TENM3: variants seen among roughly 807,000 people sequenced by gnomAD.
TENM3 encodes the protein teneurin-3.
TENM3 carries 63 observed loss-of-function variants against 255.1 expected under a neutral mutation model. The ratio of observed to expected loss-of-function variants is 0.25; its 90% confidence interval spans 0.20 to 0.30. The LOEUF (loss-of-function observed/expected upper bound fraction) is 0.30, where lower values mean the gene tolerates loss of function less well. Among genes scored for constraint, TENM3 ranks in the 10% least tolerant of loss-of-function variants. The probability of loss-of-function intolerance (pLI) is 1.00; values close to 1 mark genes in which losing one functional copy is unlikely to be tolerated. For missense variants in TENM3, 2,929 were observed against 3,461.1 expected, an observed-to-expected ratio of 0.85 and a Z score of 3.86; for synonymous variants, 1,306 against 1,322.3, an observed-to-expected ratio of 0.99 and a Z score of 0.27.
intron 22 of TENM3, among the ~76,000 whole-genome samples, chr4:182,772,046 G>A (rs1204423821): frequency 2.0e-5 from 3 of 152,044 alleles, no homozygotes; most frequent in Admixed American, 1.3e-4. Context: ...CACCGGGCAC[G>A]GAACAGACCT....
intron 4 of TENM3, among the ~76,000 whole-genome samples, chr4:182,615,627 T>G (rs1266959988): frequency 6.6e-6 from 1 of 151,446 alleles, no homozygotes; most frequent in African/African-American, 2.4e-5. Flanking sequence ...GGTAGATACT[T>G]AAAAGTAGCA....
chr4:181,796,898 G>A, the TENM3 span, among the ~76,000 whole-genome samples: 72 of 152,136 alleles, frequency 4.7e-4, no homozygotes, highest in Non-Finnish European at 7.6e-4. Context: ...AAATTCTTAC[G>A]TCATGTCAGA....
intron 1 of TENM3, among the ~76,000 whole-genome samples, chr4:182,148,031 A>G (rs1297189538): frequency 6.6e-6 from 1 of 152,224 alleles, no homozygotes; most frequent in East Asian, 1.9e-4. Flanking sequence ...ATAAAATAAA[A>G]TAAAATAAAC....
chr4:181,781,698 G>A, the TENM3 span, among the ~76,000 whole-genome samples: 1 of 152,274 alleles, frequency 6.6e-6, no homozygotes, highest in Admixed American at 6.5e-5. Flanking sequence ...TCTTGTGCCA[G>A]TTTTCAAAGG....
At chr4:182,773,686 C>A in intron 23 of TENM3, 39 bp downstream of exon 23, 2 of 1,573,222 alleles carry the variant, frequency 1.3e-6, no homozygotes, top group Non-Finnish European at 1.7e-6. Flanking sequence ...GTACCACCAG[C>A]ACCCAGACAG....
intron 22 of TENM3, 42 bp from the exon 23 acceptor site, chr4:182,773,430 C>T: frequency 6.6e-7 from 1 of 1,523,876 alleles, no homozygotes; most frequent in Non-Finnish European, 8.9e-7. Flanking sequence ...GAAGAAACTG[C>T]AGTTTCCTAT....
chr4:181,629,802 T>C, the TENM3 span, among the ~76,000 whole-genome samples: 2 of 152,216 alleles, frequency 1.3e-5, no homozygotes, highest in South Asian at 2.1e-4. Context: ...ATTCTCTTTT[T>C]TTTGTTGTAT....
At chr4:182,324,288 A>C in intron 2 of TENM3, 36 bp downstream of exon 2, 14 of 1,467,722 alleles carry the variant, frequency 9.5e-6, no homozygotes, top group Non-Finnish European at 1.3e-5. Context: ...GGCAATGCTC[A>C]CGTTACTAAC....
intron 3 of TENM3, among the ~76,000 whole-genome samples, chr4:182,399,402 AGCTGCTAGCAG>A (rs1769074649): frequency 6.6e-6 from 1 of 152,208 alleles, no homozygotes; most frequent in Admixed American, 6.5e-5. Flanking sequence ...GCTGAGCAGA[AGCTGCTAGCAG>A]TGGCTACCTT....
intron 1 of TENM3, among the ~76,000 whole-genome samples, chr4:182,280,454 A>G (rs549023734): frequency 6.6e-6 from 1 of 152,328 alleles, no homozygotes; most frequent in South Asian, 2.1e-4. Context: ...AGGAACATTG[A>G]CAGTTTATCT....
chr4:182,026,158 C>T, the TENM3 span, among the ~76,000 whole-genome samples: 1 of 152,246 alleles, frequency 6.6e-6, no homozygotes, highest in Non-Finnish European at 1.5e-5. Context: ...TGAGCTCATC[C>T]TTTTTTATGG....
chr4:181,962,897 A>C, the TENM3 span, among the ~76,000 whole-genome samples: 2 of 152,256 alleles, frequency 1.3e-5, no homozygotes, highest in Admixed American at 6.5e-5. Context: ...TCAAAAAACA[A>C]ATCTACATCT....
At chr4:181,452,188 T>A in the TENM3 span, among the ~76,000 whole-genome samples, 1 of 152,168 alleles carries the variant, frequency 6.6e-6, no homozygotes, top group Non-Finnish European at 1.5e-5. Context: ...TTGAAGATGG[T>A]TGTTCTATGG....
the TENM3 span, among the ~76,000 whole-genome samples, chr4:181,879,676 T>C: frequency 2.8e-4 from 43 of 152,296 alleles, 2 homozygotes; most frequent in Admixed American, 1.4e-3. Flanking sequence ...CTTCAAAATA[T>C]CTTGTATCCC....
intron 1 of TENM3, among the ~76,000 whole-genome samples, chr4:182,214,023 C>G (rs1010917432): frequency 6.6e-6 from 1 of 152,102 alleles, no homozygotes; most frequent in Non-Finnish European, 1.5e-5. Context: ...AGGATGGTCT[C>G]GATCTCTTGA....
the TENM3 span, among the ~76,000 whole-genome samples, chr4:181,456,084 T>A: frequency 6.6e-6 from 1 of 150,650 alleles, no homozygotes; most frequent in African/African-American, 2.4e-5. Flanking sequence ...AAAGATTTAC[T>A]TGGTAAATAT....
chr4:182,403,261 T>C (rs1022689153), intron 3 of TENM3, among the ~76,000 whole-genome samples: 2 of 152,224 alleles, frequency 1.3e-5, no homozygotes, highest in Admixed American at 1.3e-4. Context: ...GACTATACTT[T>C]CATAGTTCAA....
At chr4:182,095,560 AG>A in the TENM3 span, among the ~76,000 whole-genome samples, 1 of 152,166 alleles carries the variant, frequency 6.6e-6, no homozygotes, top group African/African-American at 2.4e-5. Flanking sequence ...GGGGAGGGGA[AG>A]AAAAGAGGGA....
the TENM3 span, among the ~76,000 whole-genome samples, chr4:181,918,373 A>G: frequency 7.2e-5 from 11 of 152,328 alleles, no homozygotes; most frequent in African/African-American, 2.6e-4. Flanking sequence ...CAGAAGGTAA[A>G]TATATTTTTT....
Sources: allele counts gnomAD v4.1 joint callset (sites outside exome capture counted in the v4.1 genomes callset), GRCh38; gene constraint gnomAD v4.1.1; transcripts MANE v1.5; gene names NCBI Gene and HGNC (gene_info 2026-07-23, HGNC 2026-07-21).